Variants in LRRTM4 observed in about 807,000 individuals in gnomAD.
LRRTM4 encodes the protein leucine rich repeat transmembrane neuronal 4.
LRRTM4 carries 25 observed loss-of-function variants against 47.6 expected under a neutral mutation model. The ratio of observed to expected loss-of-function variants is 0.53; its 90% CI spans 0.38 to 0.73. The LOEUF (loss-of-function observed/expected upper bound fraction) is 0.73, where lower values mean the gene tolerates loss of function less well. LRRTM4 is among the 30% of genes least tolerant of loss of function. The pLI is 0.00. For synonymous variants in LRRTM4, 311 were observed against 269.5 expected (o/e 1.15, Z -1.51); for missense variants, 638 against 713.4 (o/e 0.89, Z 1.20).
At chr2:76,877,901 A>G (rs1672822341) in intron 3 of LRRTM4, among the ~76,000 whole-genome samples, 1 of 146,768 alleles carries the variant, frequency 6.8e-6, no homozygotes, top group Non-Finnish European at 1.5e-5. Flanking sequence ...GAACGAAAAA[A>G]TAAGAAAGAA....
chr2:77,382,053 G>T (rs1019197428), intron 3 of LRRTM4, among the ~76,000 whole-genome samples: 5 of 151,958 alleles, frequency 3.3e-5, no homozygotes, highest in Non-Finnish European at 7.4e-5. Context: ...TTCCAGATGA[G>T]AATGTTTGCA....
intron 3 of LRRTM4, among the ~76,000 whole-genome samples, chr2:76,763,573 C>G (rs1297725256): frequency 6.6e-6 from 1 of 152,180 alleles, no homozygotes; most frequent in Non-Finnish European, 1.5e-5. Flanking sequence ...TTTAAGCCAC[C>G]TAGCCTATGC....
intron 3 of LRRTM4, among the ~76,000 whole-genome samples, chr2:77,122,481 AATACTATAT>A (rs1334074426): frequency 6.7e-6 from 1 of 149,984 alleles, no homozygotes; most frequent in Non-Finnish European, 1.5e-5. Flanking sequence ...TACACACATA[AATACTATAT>A]ATACTATATA....
At chr2:77,039,949 T>C (rs1678968937) in intron 3 of LRRTM4, among the ~76,000 whole-genome samples, 2 of 151,298 alleles carry the variant, frequency 1.3e-5, no homozygotes, top group Non-Finnish European at 3.0e-5. Flanking sequence ...TTTTCTTAGC[T>C]GTTAATTACT....
intron 3 of LRRTM4, among the ~76,000 whole-genome samples, chr2:77,092,756 T>C (rs1670688708): frequency 7.0e-6 from 1 of 143,038 alleles, no homozygotes; most frequent in Non-Finnish European, 1.5e-5. Flanking sequence ...CAGTTTAGCC[T>C]TCCCACCTCA....
intron 3 of LRRTM4, among the ~76,000 whole-genome samples, chr2:76,845,417 A>T (rs970044678): frequency 1.3e-5 from 2 of 152,096 alleles, no homozygotes; most frequent in African/African-American, 4.8e-5. Flanking sequence ...GGATGAATCC[A>T]GGAGGCAGAG....
intron 3 of LRRTM4, among the ~76,000 whole-genome samples, chr2:77,049,404 A>G (rs998586392): frequency 2.6e-5 from 4 of 151,602 alleles, no homozygotes; most frequent in African/African-American, 9.7e-5. Context: ...GTGCTAATTT[A>G]CATTCCCACC....
intron 2 of LRRTM4, among the ~76,000 whole-genome samples, chr2:77,521,035 T>G (rs1042279845): frequency 6.6e-6 from 1 of 151,852 alleles, no homozygotes; most frequent in Admixed American, 6.6e-5. Flanking sequence ...AACAGTTAAG[T>G]TTTTCTTTTT....
intron 3 of LRRTM4, among the ~76,000 whole-genome samples, chr2:77,335,601 TG>T (rs1671134516): frequency 6.6e-6 from 1 of 152,224 alleles, no homozygotes; most frequent in South Asian, 2.1e-4. Context: ...AATTTGTTCT[TG>T]CATGCAGCAT....
intron 3 of LRRTM4, among the ~76,000 whole-genome samples, chr2:76,902,563 C>A (rs540232340): frequency 6.6e-6 from 1 of 152,090 alleles, no homozygotes; most frequent in Non-Finnish European, 1.5e-5. Flanking sequence ...GGGGATAGAA[C>A]TAGAAGATGG....
At chr2:76,919,315 T>A (rs1406684751) in intron 3 of LRRTM4, among the ~76,000 whole-genome samples, 2 of 152,224 alleles carry the variant, frequency 1.3e-5, no homozygotes, top group East Asian at 3.9e-4. Flanking sequence ...ATAAACTAAG[T>A]GATCAAACTG....
Position 76,816,770 on chromosome 2 carries a change from T to A in LRRTM4, c.1552-67854A>T, listed in dbSNP as rs377458001. 2.7e-5 allele frequency among the ~76,000 whole-genome samples: 4 copies of A among 148,034 alleles called. No homozygotes were observed. In the East Asian group the frequency reaches 5.9e-4, roughly 22 times the overall value. ...GTTTCCTCTTCCTTCTCCTTTCTCA[T>A]GACGTGCAAGTGGGTTATCTGAACA... On this transcript the variant is annotated intron_variant, in intron 3 of 3. Transcript: ENST00000409884.
At chr2:77,457,485 C>T (rs1440584318) in intron 3 of LRRTM4, among the ~76,000 whole-genome samples, 1 of 152,002 alleles carries the variant, frequency 6.6e-6, no homozygotes, top group Non-Finnish European at 1.5e-5. Context: ...ACCAACATTC[C>T]TGCCTTCATT....
chr2:76,953,923 CACAG>C (rs1675579643), intron 3 of LRRTM4, among the ~76,000 whole-genome samples: 1 of 151,736 alleles, frequency 6.6e-6, no homozygotes. Flanking sequence ...CCTGCAATAC[CACAG>C]ACAGACACCA....
intron 3 of LRRTM4, among the ~76,000 whole-genome samples, chr2:77,302,073 C>CA (rs1372421999): frequency 1.3e-5 from 2 of 152,116 alleles, no homozygotes; most frequent in Admixed American, 6.5e-5. Flanking sequence ...GAAATTGGCT[C>CA]ATTTTCCATG....
chr2:77,088,667 G>A lies in LRRTM4; in HGVS notation c.1552-339751C>T, dbSNP rs192886978. ...TGTTTGGTGGTCTCTTCACACGGAC[G>A]CGCATGAAATTTGGTGCCGTGACTT... On this transcript the variant is annotated intron_variant, in intron 3 of 3. Transcript: ENST00000409884. Among the ~76,000 whole-genome samples, 1,488 of 151,982 alleles carry A rather than the reference G, an allele frequency of 9.8e-3. 31 individuals carry two copies. Among genetic ancestry groups the A allele is most frequent in the African/African-American group, 0.034 (1,417 of 41,438 alleles).
At chr2:77,163,585 G>T (rs545642426) in intron 3 of LRRTM4, among the ~76,000 whole-genome samples, 1 of 152,138 alleles carries the variant, frequency 6.6e-6, no homozygotes, top group South Asian at 2.1e-4. Context: ...AAAAAGTTTG[G>T]GTTACCCATA....
At chr2:77,069,702 C>G (rs980735608) in intron 3 of LRRTM4, among the ~76,000 whole-genome samples, 2 of 150,990 alleles carry the variant, frequency 1.3e-5, no homozygotes, top group East Asian at 2.0e-4. Flanking sequence ...TAGCCAGCCA[C>G]GAGAGCACAG....
chr2:76,752,063 G>C (rs756847658), intron 3 of LRRTM4, among the ~76,000 whole-genome samples: 3 of 152,120 alleles, frequency 2.0e-5, no homozygotes, highest in Non-Finnish European at 4.4e-5. Flanking sequence ...AACATGGGTT[G>C]TGGTTTTGTT....
Sources: allele counts gnomAD v4.1 joint callset (sites outside exome capture counted in the v4.1 genomes callset), GRCh38; gene constraint gnomAD v4.1.1; transcripts MANE v1.5; gene names NCBI Gene and HGNC (gene_info 2026-07-23, HGNC 2026-07-21).